The following FRMD4A variants were observed in gnomAD, a reference collection of about 807,000 sequenced individuals.
FRMD4A encodes FERM domain-containing protein 4A.
Under a neutral mutation model 129.1 loss-of-function variants are expected in FRMD4A, and 29 were observed. That is an observed-to-expected ratio of 0.22 (90% CI 0.17 to 0.31). The LOEUF (loss-of-function observed/expected upper bound fraction) is 0.31. FRMD4A is among the 10% of genes least tolerant of loss of function. FRMD4A has a pLI of 1.00. For missense variants in FRMD4A, 1,272 were observed against 1,375.8 expected, an observed-to-expected ratio of 0.92 and a Z score of 1.19; for synonymous variants, 634 against 571.6, an observed-to-expected ratio of 1.11 and a Z score of -1.56.
chr10:13,995,791 A>G (rs927667182), intron 2 of FRMD4A, among the ~76,000 whole-genome samples: 1 of 151,196 alleles, frequency 6.6e-6, no homozygotes, highest in East Asian at 2.0e-4. Flanking sequence ...TTTCAAATCG[A>G]CAAGTGCCCG....
intron 2 of FRMD4A, among the ~76,000 whole-genome samples, chr10:13,964,186 A>G (rs2131367152): frequency 6.6e-6 from 1 of 151,964 alleles, no homozygotes; most frequent in Middle Eastern, 3.4e-3. Flanking sequence ...CTGATGACGG[A>G]CGCGGTTTCT....
intron 2 of FRMD4A, among the ~76,000 whole-genome samples, chr10:14,301,089 A>C (rs896396750): frequency 6.6e-6 from 1 of 152,222 alleles, no homozygotes; most frequent in Non-Finnish European, 1.5e-5. Flanking sequence ...AACTCTAGAT[A>C]GTAAAGATCA....
chr10:13,964,753 C>G (rs1258690742), intron 2 of FRMD4A, among the ~76,000 whole-genome samples: 1 of 150,628 alleles, frequency 6.6e-6, no homozygotes, highest in Non-Finnish European at 1.5e-5. Flanking sequence ...CTCACTGCAA[C>G]CTCTGCCTCC....
chr10:13,714,550 T>C (rs1414074041), intron 12 of FRMD4A, among the ~76,000 whole-genome samples: 2 of 152,180 alleles, frequency 1.3e-5, no homozygotes, highest in East Asian at 3.8e-4. Flanking sequence ...TACTTTGTAC[T>C]GGACTGTTCT....
chr10:13,883,567 T>G (rs2094571520), intron 2 of FRMD4A, among the ~76,000 whole-genome samples: 1 of 152,228 alleles, frequency 6.6e-6, no homozygotes, highest in Non-Finnish European at 1.5e-5. Flanking sequence ...TCTCTGAGTA[T>G]TTGGATATCT....
At chr10:13,976,904 T>G (rs2095543917) in intron 2 of FRMD4A, among the ~76,000 whole-genome samples, 1 of 152,202 alleles carries the variant, frequency 6.6e-6, no homozygotes, top group South Asian at 2.1e-4. Context: ...AAAGACTTTC[T>G]TGGATGCATT....
At chr10:14,140,401 T>C (rs1420199185) in intron 2 of FRMD4A, among the ~76,000 whole-genome samples, 1 of 152,214 alleles carries the variant, frequency 6.6e-6, no homozygotes, top group Non-Finnish European at 1.5e-5. Flanking sequence ...GTACCTGCCA[T>C]ATGTCAGGAA....
chr10:14,166,496 T>C (rs1382825095), intron 2 of FRMD4A, among the ~76,000 whole-genome samples: 1 of 152,200 alleles, frequency 6.6e-6, no homozygotes, highest in Non-Finnish European at 1.5e-5. Context: ...AAAATAATCA[T>C]TTGCTTTTTC....
At position 13,660,561 on chromosome 10, in the gene FRMD4A, AAGAC is replaced by A. The variant is rs759634071; in HGVS notation, c.1661-12_1661-9del. 28 of 1,540,864 alleles carry A rather than the reference AAGAC, an allele frequency of 1.8e-5. No individual in the cohort carries two copies. Among genetic ancestry groups the A allele is most frequent in the East Asian group, 2.3e-5 (1 of 44,386 alleles). The stretch of plus-strand genomic sequence containing the variant: ...TGGTAACCTGAGAGTCTTCTGCACA[AAGAC>A]AGGAAGAGAGGAACTGAGCCCCGGT... On this transcript the variant is annotated splice_polypyrimidine_tract_variant and intron_variant, in intron 19 of 24. Transcript: ENST00000357447.
In FRMD4A at chr10:14,056,399, A is replaced by G. The variant is rs529382242; in HGVS notation, c.46-197487T>C. Among the ~76,000 whole-genome samples the G allele has an allele frequency of 4.0e-5, 6 of 150,336 alleles. No homozygotes were observed. In the East Asian group the frequency reaches 1.2e-3, roughly 30 times the overall value. Reference sequence around the variant, plus strand: ...CCCCACCTCTCCCCAACCCCCCGTGATTGAAAAAAAAATTTAAAGTTTTTT... The same window carrying G: ...CCCCACCTCTCCCCAACCCCCCGTGGTTGAAAAAAAAATTTAAAGTTTTTT... On this transcript the variant is annotated intron_variant, in intron 2 of 24. Coordinates refer to ENST00000357447, the MANE Select transcript of FRMD4A (RefSeq NM_018027.5).
chr10:13,770,466 C>A (rs1244196319), intron 6 of FRMD4A, among the ~76,000 whole-genome samples: 1 of 152,058 alleles, frequency 6.6e-6, no homozygotes, highest in East Asian at 1.9e-4. Context: ...TTTGTTGAGA[C>A]AGGGTCTTGC....
intron 2 of FRMD4A, among the ~76,000 whole-genome samples, chr10:14,020,868 TG>T (rs1832713586): frequency 6.6e-6 from 1 of 151,554 alleles, no homozygotes. Flanking sequence ...GCTGTAGAGG[TG>T]GAGGAAAGGG....
chr10:14,039,510 CT>C (rs759436448), intron 2 of FRMD4A, among the ~76,000 whole-genome samples: 1 of 142,406 alleles, frequency 7.0e-6, no homozygotes. Flanking sequence ...ATCTATCTAT[CT>C]ATCTATCTAT....
intron 18 of FRMD4A, among the ~76,000 whole-genome samples, 164 bp from the exon 19 acceptor site, chr10:13,663,673 C>T (rs1300166679): frequency 1.3e-5 from 2 of 152,206 alleles, no homozygotes; most frequent in African/African-American, 4.8e-5. Context: ...TTTTGTCAGT[C>T]CCCGTGGTGG....
intron 2 of FRMD4A, among the ~76,000 whole-genome samples, chr10:13,953,501 C>G (rs1472801835): frequency 1.3e-5 from 2 of 152,112 alleles, no homozygotes; most frequent in Non-Finnish European, 2.9e-5. Flanking sequence ...GTGAAGATAT[C>G]TCACACCTTC....
At chr10:14,217,342 C>G (rs1439028455) in intron 2 of FRMD4A, among the ~76,000 whole-genome samples, 1 of 152,138 alleles carries the variant, frequency 6.6e-6, no homozygotes. Context: ...AGTGGGAGAT[C>G]ACTGAATCAT....
At chr10:14,061,237 G>C (rs375958663) in intron 2 of FRMD4A, among the ~76,000 whole-genome samples, 22 of 152,094 alleles carry the variant, frequency 1.4e-4, no homozygotes, top group African/African-American at 5.1e-4. Flanking sequence ...CCTGAGGTCA[G>C]GAGTTCAAGA....
intron 2 of FRMD4A, among the ~76,000 whole-genome samples, chr10:13,912,224 G>A (rs1236859442): frequency 6.6e-6 from 1 of 152,148 alleles, no homozygotes; most frequent in Non-Finnish European, 1.5e-5. Flanking sequence ...GCTTCCTACA[G>A]TAGCAGTGTT....
intron 2 of FRMD4A, among the ~76,000 whole-genome samples, chr10:14,175,396 C>T (rs1019845631): frequency 2.0e-5 from 3 of 152,150 alleles, no homozygotes; most frequent in Non-Finnish European, 4.4e-5. Context: ...TTCATTGATG[C>T]TTTTCACCCC....
Sources: gnomAD v4.1 joint callset for allele counts (sites outside exome capture counted in the v4.1 genomes callset) on GRCh38, gnomAD v4.1.1 for gene constraint, MANE v1.5 for transcripts, NCBI Gene and HGNC (gene_info 2026-07-23, HGNC 2026-07-21) for gene names.